UROC1: variants seen among roughly 807,000 people sequenced by gnomAD.
UROC1 encodes the protein urocanate hydratase.
UROC1 carries 79 observed loss-of-function variants against 89.5 expected under a neutral mutation model. That is an observed-to-expected ratio of 0.88 (90% CI 0.74 to 1.06). The LOEUF (loss-of-function observed/expected upper bound fraction) is 1.06. Ranked by LOEUF, UROC1 falls within the 50% of genes least tolerant of loss-of-function variation. The pLI is 0.00. For synonymous variants in UROC1, 361 were observed against 354.8 expected (o/e 1.02, Z -0.20); for missense variants, 885 against 907.8 (o/e 0.97, Z 0.32).
intron 18 of UROC1, among the ~76,000 whole-genome samples, chr3:126,486,997 T>C (rs1035677543): frequency 1.3e-5 from 2 of 152,230 alleles, no homozygotes; most frequent in Non-Finnish European, 2.9e-5. Flanking sequence ...GTCTGGTCAG[T>C]CTGTGTCCCT....
At chr3:126,511,535 C>T (rs1936197057) in intron 1 of UROC1, among the ~76,000 whole-genome samples, 2 of 152,238 alleles carry the variant, frequency 1.3e-5, no homozygotes, top group African/African-American at 4.8e-5. Flanking sequence ...ACGTGCTAGA[C>T]AAGGAGGACT....
chr3:126,495,497 C>T (rs189913097), intron 15 of UROC1, among the ~76,000 whole-genome samples: 5 of 152,298 alleles, frequency 3.3e-5, no homozygotes, highest in East Asian at 3.9e-4. Flanking sequence ...CGTTTGAGGC[C>T]GAGTCATATT....
Position 126,492,448 on chromosome 3 carries a change from A to G in UROC1, c.1578T>C (p.Ile526=), listed in dbSNP as rs890238158. ...QKGRVAIAVA[I]NQAIACRRIK... ...TCCTCCTGCAGGCGATGGCCTGGTT[A>G]ATGGCCACAGCGATGGCCACGCGGC... Residue 526 remains isoleucine, a synonymous_variant, in exon 16 of 20, where the codon ATT becomes ATC. Coordinates refer to ENST00000290868, the MANE Select transcript of UROC1 (RefSeq NM_144639.3). The G allele has an allele frequency of 1.2e-6, 2 of 1,613,674 alleles. No individual in the cohort carries two copies. Among genetic ancestry groups the G allele is most frequent in the African/African-American group, 2.7e-5 (2 of 74,938 alleles).
intron 9 of UROC1, 26 bp from the exon 10 acceptor site, chr3:126,501,306 G>A (rs948232602): frequency 6.2e-7 from 1 of 1,613,558 alleles, no homozygotes; most frequent in Non-Finnish European, 8.5e-7. Flanking sequence ...AGCAGAACAG[G>A]TGCCCCCTGC....
In UROC1 at chr3:126,505,864, G is replaced by A. The variant is rs201955406; in HGVS notation, c.670-20C>T. Reference sequence around the variant, plus strand: ...GGTGAGCTGCAGGGAGAAGAGGTGGGGGCTCACTGCCCACTCCCAGCCCGC... The same window carrying A: ...GGTGAGCTGCAGGGAGAAGAGGTGGAGGCTCACTGCCCACTCCCAGCCCGC... On this transcript the variant is annotated intron_variant, in intron 7 of 19. Transcript: ENST00000290868. 36 of 1,612,962 alleles carry A rather than the reference G, an allele frequency of 2.2e-5. No individual in the cohort carries two copies. The highest frequency in any genetic ancestry group is 2.5e-5 in the Non-Finnish European group (29 of 1,179,956).
intron 13 of UROC1, among the ~76,000 whole-genome samples, 192 bp from the exon 14 acceptor site, chr3:126,498,364 C>A (rs1400739300): frequency 3.3e-5 from 5 of 152,170 alleles, no homozygotes; most frequent in African/African-American, 2.4e-5. Context: ...AGCCCTCCAT[C>A]CCTGCCTCCT....
At chr3:126,493,674 G>C (rs1935707924) in intron 15 of UROC1, among the ~76,000 whole-genome samples, 1 of 152,254 alleles carries the variant, frequency 6.6e-6, no homozygotes, top group Non-Finnish European at 1.5e-5. Flanking sequence ...CTGCACAGCA[G>C]TATGAATGTG....
intron 9 of UROC1, among the ~76,000 whole-genome samples, chr3:126,501,544 C>T (rs1272223696): frequency 2.6e-5 from 4 of 152,212 alleles, no homozygotes; most frequent in Non-Finnish European, 5.9e-5. Context: ...ACTGCCTGGG[C>T]GATCCATGGA....
At chr3:126,504,216 A>G in intron 8 of UROC1, 133 bp from the exon 9 acceptor site, 1 of 854,758 alleles carries the variant, frequency 1.2e-6, no homozygotes, top group Non-Finnish European at 1.9e-6. Flanking sequence ...AGTCTCAGGG[A>G]AGACACCATG....
chr3:126,487,156 G>A (rs907928554), intron 18 of UROC1, among the ~76,000 whole-genome samples: 1 of 152,096 alleles, frequency 6.6e-6, no homozygotes, highest in African/African-American at 2.4e-5. Flanking sequence ...ACTCTTCCTC[G>A]GCCTGCCTTC....
chr3:126,512,597 C>A (rs2107551264), intron 1 of UROC1, among the ~76,000 whole-genome samples: 1 of 152,174 alleles, frequency 6.6e-6, no homozygotes, highest in South Asian at 2.1e-4. Context: ...GGTGCATATG[C>A]CTGTGGTCCC....
Position 126,500,164 on chromosome 3 carries a change from G to A in UROC1, c.1146-10C>T, listed in dbSNP as rs1935883324. On this transcript the variant is annotated splice_polypyrimidine_tract_variant and intron_variant, in intron 11 of 19. Coordinates refer to ENST00000290868, the MANE Select transcript of UROC1 (RefSeq NM_144639.3). ...GACTTGCCTCCTCAGGCTGCAACAA[G>A]CCATGGGTCAGCACCACCGCTGTGA... 2 of 1,613,100 alleles carry A rather than the reference G, an allele frequency of 1.2e-6. No individual in the cohort carries two copies. The highest frequency in any genetic ancestry group is 1.1e-5 in the South Asian group (1 of 91,078).
Position 126,491,904 on chromosome 3 carries a change from G to A in UROC1, c.1608+514C>T, listed in dbSNP as rs938959346. Among the ~76,000 whole-genome samples, 3 of 152,176 alleles carry A rather than the reference G, an allele frequency of 2.0e-5. No homozygotes were observed. The East Asian group carries it at 5.8e-4, about 29-fold the overall frequency. ...TCACAGAAGAGGGAAACCAAGGCTCGGAGAGGGCTACGGACCTGCCCAAGG... is the reference window on the plus strand; with the variant it reads ...TCACAGAAGAGGGAAACCAAGGCTCAGAGAGGGCTACGGACCTGCCCAAGG... On this transcript the variant is annotated intron_variant, in intron 16 of 19. Coordinates refer to ENST00000290868, the MANE Select transcript of UROC1 (RefSeq NM_144639.3).
chr3:126,498,082 T>C lies in UROC1; in HGVS notation c.1407A>G (p.Thr469=), dbSNP rs115626501. 1,321 of 1,614,114 alleles carry C rather than the reference T, an allele frequency of 8.2e-4. 9 individuals carry two copies. The African/African-American group carries it at 0.015, about 18-fold the overall frequency. Residue 469 remains threonine, a synonymous_variant, in exon 14 of 20, where the codon ACA becomes ACG. Coordinates refer to ENST00000290868, the MANE Select transcript of UROC1 (RefSeq NM_144639.3). Reference sequence around the variant, plus strand: ...CAGCAATGGCTTCCTCCAGCACAGATGTGGCCAGTTCGTCTGTGACCGCCA... The same window carrying C: ...CAGCAATGGCTTCCTCCAGCACAGACGTGGCCAGTTCGTCTGTGACCGCCA... ...QDLAVTDELA[T]SVLEEAIADG...
chr3:126,481,325 C>T lies in UROC1; in HGVS notation c.*1020G>A, dbSNP rs1347153863. The T allele has an allele frequency of 6.6e-6, 1 of 152,162 alleles. No individual in the cohort carries two copies. The highest frequency in any genetic ancestry group is 1.5e-5 in the Non-Finnish European group (1 of 68,066). The allele number at this position is 152,162 out of a possible 1,614,324, so 9.4% of individuals were successfully genotyped here. A position where few individuals can be genotyped will look rare whatever the true frequency, so the allele number is the denominator to read the frequency against. ...TTTATTTACCCTATATTGCTGCCCACACAAAACTAGGCTTTTGTTCACAAG... is the reference window on the plus strand; with the variant it reads ...TTTATTTACCCTATATTGCTGCCCATACAAAACTAGGCTTTTGTTCACAAG... On this transcript the variant is annotated 3_prime_UTR_variant, in exon 20 of 20. Transcript: ENST00000290868.
rs549116327 is a variant in UROC1, at chr3:126,510,421, G to C, written c.257+243C>G. Among the ~76,000 whole-genome samples, 266 of 152,342 alleles carry C rather than the reference G, an allele frequency of 1.7e-3. 2 individuals are homozygous for C. The highest frequency in any genetic ancestry group is 6.3e-3 in the African/African-American group (262 of 41,584). On this transcript the variant is annotated intron_variant, in intron 2 of 19. Coordinates refer to ENST00000290868, the MANE Select transcript of UROC1 (RefSeq NM_144639.3). ...ACAGGACTGGCTGCTCAGGACAGAT[G>C]GGCCGGGCCTGAGAGACCTGAGAAG...
At chr3:126,490,321 A>T (rs754839271) in intron 16 of UROC1, among the ~76,000 whole-genome samples, 1 of 152,088 alleles carries the variant, frequency 6.6e-6, no homozygotes. Flanking sequence ...ACAGCCCTGG[A>T]AGTCAGGTAG....
Position 126,482,113 on chromosome 3 carries a change from G to C in UROC1, c.*232C>G. ...TAAATGGACTTTGACAGCCTTCAGG[G>C]CTCCCATGCAAGTGGCATGGTTGTG... On this transcript the variant is annotated 3_prime_UTR_variant, in exon 20 of 20. Coordinates refer to ENST00000290868, the MANE Select transcript of UROC1 (RefSeq NM_144639.3). 1 of 615,806 alleles carries C rather than the reference G, an allele frequency of 1.6e-6. No individual in the cohort carries two copies. Among genetic ancestry groups the C allele is most frequent in the East Asian group, 2.9e-5 (1 of 34,542 alleles). 38.1% of individuals were successfully genotyped at this position (615,806 alleles called of 1,614,324 possible).
chr3:126,495,977 A>G, intron 15 of UROC1, 61 bp downstream of exon 15: 1 of 1,543,180 alleles, frequency 6.5e-7, no homozygotes, highest in Admixed American at 1.8e-5. Context: ...GCAGCACCTC[A>G]CCTTTGGGCA....
Sources: allele counts gnomAD v4.1 joint callset (sites outside exome capture counted in the v4.1 genomes callset), GRCh38; gene constraint gnomAD v4.1.1; transcripts MANE v1.5; gene names NCBI Gene and HGNC (gene_info 2026-07-23, HGNC 2026-07-21).